HIBCH: variants seen among roughly 807,000 people sequenced by gnomAD.
HIBCH encodes the protein 3-hydroxyisobutyryl-CoA hydrolase.
Under a neutral mutation model 58.2 loss-of-function variants are expected in HIBCH, and 50 were observed. The ratio of observed to expected loss-of-function variants is 0.86; its 90% CI spans 0.68 to 1.09. The LOEUF (loss-of-function observed/expected upper bound fraction) is 1.09, where lower values mean the gene tolerates loss of function less well. HIBCH is among the 50% of genes least tolerant of loss of function. The pLI, the probability that HIBCH is intolerant of heterozygous loss-of-function variation, is 0.00. For synonymous variants in HIBCH, 151 were observed against 146.9 expected (o/e 1.03, Z -0.20); for missense variants, 450 against 449.7 (o/e 1.00, Z -0.01).
chr2:190,192,246 G>A (rs947714059), intron 1 of HIBCH, among the ~76,000 whole-genome samples: 1 of 152,020 alleles, frequency 6.6e-6, no homozygotes, highest in African/African-American at 2.4e-5. Flanking sequence ...GACATGTCAA[G>A]TATCAGTTTA....
At chr2:190,251,700 AAAGAT>A (rs1686778331) in intron 8 of HIBCH, 14 of 189,838 alleles carry the variant, frequency 7.4e-5, no homozygotes, top group Middle Eastern at 1.0e-3. Flanking sequence ...AAAAAAAAGC[AAAGAT>A]AAGTAACGTG....
chr2:190,224,050 C>A (rs185014021), intron 11 of HIBCH, among the ~76,000 whole-genome samples: 172 of 152,294 alleles, frequency 1.1e-3, no homozygotes, highest in African/African-American at 3.9e-3. Flanking sequence ...CAGGACACTC[C>A]CACCCTAACA....
At position 190,278,143 on chromosome 2, in the gene HIBCH, T is replaced by C. The variant is rs13390473; in HGVS notation, c.438+9443A>G. 5.8e-3 allele frequency among the ~76,000 whole-genome samples: 887 copies of C among 152,246 alleles called. 11 individuals carry two copies. Among genetic ancestry groups the C allele is most frequent in the African/African-American group, 0.021 (853 of 41,546 alleles). On this transcript the variant is annotated intron_variant, in intron 6 of 13. Transcript: ENST00000359678. ...CCTAGAATCATCATTACCTGAGAAC[T>C]TGTTAGAAATGCAAATTCTTGGGCC... is the stretch of plus-strand genomic sequence containing the variant.
At chr2:190,295,607 G>C (rs1433902832) in intron 3 of HIBCH, among the ~76,000 whole-genome samples, 1 of 152,202 alleles carries the variant, frequency 6.6e-6, no homozygotes. Flanking sequence ...GCACAAGGAA[G>C]ATGTAGCTGG....
At chr2:190,200,319 T>G (rs1355719280), downstream of HIBCH, 3 of 620,840 alleles carry the variant, frequency 4.8e-6, no homozygotes, top group Non-Finnish European at 8.6e-6. Context: ...AGTACTTCTA[T>G]GTTAACAGCA....
intron 11 of HIBCH, among the ~76,000 whole-genome samples, chr2:190,225,111 C>G (rs7371399): frequency 1.3e-5 from 2 of 151,902 alleles, no homozygotes; most frequent in Non-Finnish European, 2.9e-5. Context: ...CTGGGACACA[C>G]TTAAAGCAGT....
intron 7 of HIBCH, among the ~76,000 whole-genome samples, chr2:190,259,982 C>T (rs765691956): frequency 1.3e-5 from 2 of 152,138 alleles, no homozygotes; most frequent in African/African-American, 2.4e-5. Context: ...AGACTAAATG[C>T]TTTCCCCTAA....
At chr2:190,294,965 T>C (rs753821966) in intron 3 of HIBCH, among the ~76,000 whole-genome samples, 1 of 152,204 alleles carries the variant, frequency 6.6e-6, no homozygotes, top group Non-Finnish European at 1.5e-5. Context: ...ATATGTTACA[T>C]AAACGTATAA....
chr2:190,210,921 A>G lies in HIBCH; in HGVS notation c.1012-2008T>C, dbSNP rs1690500569. Among the ~76,000 whole-genome samples the G allele has an allele frequency of 6.6e-6, 1 of 152,144 alleles. No homozygotes were observed. Among genetic ancestry groups the G allele is most frequent in the African/African-American group, 2.4e-5 (1 of 41,412 alleles). On this transcript the variant is annotated intron_variant, in intron 12 of 13. Transcript: ENST00000359678. The surrounding 1 kb of genome is among the most constrained non-coding windows in gnomAD (Gnocchi z 5.5). ...CTACAATTCATCCCCCTGTTACTCT[A>G]TATCACATATCCTGCTTCCTTTTTC... is the stretch of plus-strand genomic sequence containing the variant.
rs752045292 is a variant in HIBCH, at chr2:190,209,758, C to A, written c.1012-845G>T. On this transcript the variant is annotated intron_variant, in intron 12 of 13. Coordinates refer to ENST00000359678, the MANE Select transcript of HIBCH (RefSeq NM_014362.4). This position sits in a 1 kb window ranked among gnomAD's most constrained non-coding sequence, Gnocchi z 5.6. ...AAGGATGGACTTTGCTTGATGTGGTCATTCACTTTTATTTTCCTAGAATCA... is the reference window on the plus strand; with the variant it reads ...AAGGATGGACTTTGCTTGATGTGGTAATTCACTTTTATTTTCCTAGAATCA... Among the ~76,000 whole-genome samples, 8 of 152,272 alleles carry A rather than the reference C, an allele frequency of 5.3e-5. No individual in the cohort carries two copies. The highest frequency in any genetic ancestry group is 8.8e-5 in the Non-Finnish European group (6 of 68,030).
chr2:190,266,059 T>A (rs1687226348), intron 6 of HIBCH, among the ~76,000 whole-genome samples: 1 of 152,192 alleles, frequency 6.6e-6, no homozygotes, highest in Non-Finnish European at 1.5e-5. Flanking sequence ...TTCCAAACAT[T>A]TGGGATTTCC....
chr2:190,300,171 A>G (rs181778621), intron 2 of HIBCH, among the ~76,000 whole-genome samples: 1 of 152,274 alleles, frequency 6.6e-6, no homozygotes, highest in African/African-American at 2.4e-5. Flanking sequence ...ATATTCCCTT[A>G]GGTATACACC....
chr2:190,235,595 T>C (rs1057470467), intron 11 of HIBCH, among the ~76,000 whole-genome samples: 18 of 152,248 alleles, frequency 1.2e-4, no homozygotes, highest in African/African-American at 4.1e-4. Flanking sequence ...CAGTTAAGTA[T>C]AACATAAGGA....
chr2:190,308,378 T>C (rs1024103383), intron 2 of HIBCH, among the ~76,000 whole-genome samples: 10 of 152,180 alleles, frequency 6.6e-5, no homozygotes, highest in African/African-American at 2.2e-4. Context: ...CAAACTCCTG[T>C]TGAAATTTAA....
intron 11 of HIBCH, among the ~76,000 whole-genome samples, chr2:190,228,844 A>G (rs916189093): frequency 5.9e-5 from 9 of 152,176 alleles, no homozygotes; most frequent in African/African-American, 2.2e-4. Flanking sequence ...CAATTCAAAA[A>G]TATTGCTGAG....
At chr2:190,308,203 A>C (rs1368853062) in intron 2 of HIBCH, among the ~76,000 whole-genome samples, 1 of 152,160 alleles carries the variant, frequency 6.6e-6, no homozygotes, top group African/African-American at 2.4e-5. Flanking sequence ...CATAGTCCTC[A>C]TATGATCTGG....
downstream of HIBCH, among the ~76,000 whole-genome samples, chr2:190,199,377 T>C (rs1380369705): frequency 6.6e-6 from 1 of 152,128 alleles, no homozygotes; most frequent in African/African-American, 2.4e-5. Flanking sequence ...GGCCCAATGG[T>C]TTGCTAGCCC....
At position 190,235,520 on chromosome 2, in the gene HIBCH, T is replaced by C. The variant is rs532389099; in HGVS notation, c.891+9367A>G. Among the ~76,000 whole-genome samples the C allele has an allele frequency of 4.6e-5, 7 of 152,314 alleles. No homozygotes were observed. The East Asian group carries it at 1.4e-3, about 29-fold the overall frequency. ...TATATGATTTCTGTATTTTTCTGTA[T>C]GTTACAATTTAAAAACATGAGTTCT... On this transcript the variant is annotated intron_variant, in intron 11 of 13. Coordinates refer to ENST00000359678, the MANE Select transcript of HIBCH (RefSeq NM_014362.4).
intron 6 of HIBCH, among the ~76,000 whole-genome samples, chr2:190,284,518 A>T (rs1687784351): frequency 6.6e-6 from 1 of 152,252 alleles, no homozygotes; most frequent in Admixed American, 6.5e-5. Context: ...AAATATTCTC[A>T]GTAATATGTC....
Sources: gnomAD v4.1 joint callset for allele counts (sites outside exome capture counted in the v4.1 genomes callset) on GRCh38, gnomAD v4.1.1 for gene constraint, Gnocchi (gnomAD v3.1) non-coding constraint, MANE v1.5 for transcripts, NCBI Gene and HGNC (gene_info 2026-07-23, HGNC 2026-07-21) for gene names.